Variants in TMPRSS15 observed in about 807,000 individuals in gnomAD.
TMPRSS15 encodes transmembrane serine protease 15.
Under a neutral mutation model 125.3 loss-of-function variants are expected in TMPRSS15, and 128 were observed. The ratio of observed to expected loss-of-function variants is 1.02; its 90% CI spans 0.89 to 1.18. The LOEUF is 1.18. Ranked by LOEUF, TMPRSS15 falls within the 50% of genes most tolerant of loss-of-function variation. The pLI is 0.00. For synonymous variants in TMPRSS15, 446 were observed against 423.2 expected, an observed-to-expected ratio of 1.05 and a Z score of -0.66; for missense variants, 1,283 against 1,212.7, an observed-to-expected ratio of 1.06 and a Z score of -0.86.
At chr21:18,438,898 A>C (rs2076235180) in intron 1 of TMPRSS15, among the ~76,000 whole-genome samples, 1 of 152,248 alleles carries the variant, frequency 6.6e-6, no homozygotes, top group African/African-American at 2.4e-5. Flanking sequence ...CTTTAATGCT[A>C]AACGTTGTAG....
intron 16 of TMPRSS15, among the ~76,000 whole-genome samples, chr21:18,324,913 T>A (rs2075273960): frequency 6.6e-6 from 1 of 152,102 alleles, no homozygotes; most frequent in Non-Finnish European, 1.5e-5. Flanking sequence ...AAATAGCAGA[T>A]AAAATAATTG....
chr21:18,387,072 T>C (rs2075950544), intron 3 of TMPRSS15, among the ~76,000 whole-genome samples: 1 of 152,186 alleles, frequency 6.6e-6, no homozygotes, highest in African/African-American at 2.4e-5. Context: ...AGTTGTAGCC[T>C]TTAAAATTTA....
chr21:18,328,754 A>C (rs931965141), intron 15 of TMPRSS15, among the ~76,000 whole-genome samples: 2 of 152,136 alleles, frequency 1.3e-5, no homozygotes, highest in Non-Finnish European at 2.9e-5. Context: ...CTGCATATTT[A>C]AAAATAACTA....
chr21:18,450,103 A>G (rs1482394996), intron 1 of TMPRSS15, among the ~76,000 whole-genome samples: 1 of 152,192 alleles, frequency 6.6e-6, no homozygotes, highest in Non-Finnish European at 1.5e-5. Flanking sequence ...CCAGGGAAGT[A>G]AATGGCCGCA....
chr21:18,438,902 G>A (rs956212534), intron 1 of TMPRSS15, among the ~76,000 whole-genome samples: 2 of 152,072 alleles, frequency 1.3e-5, no homozygotes, highest in East Asian at 1.9e-4. Flanking sequence ...AATGCTAAAC[G>A]TTGTAGAACA....
chr21:18,441,281 C>CAAACAAAACAAAACAAAACA lies in TMPRSS15; in HGVS notation c.11-42972_11-42953dup, dbSNP rs371605283. On this transcript the variant is annotated intron_variant, in intron 1 of 7. Coordinates refer to the TMPRSS15 transcript ENST00000422787. ...AGGCAACAAGAGTGAAACTCCGTCT[C>CAAACAAAACAAAACAAAACA]AAACAAAACAAAACAAAACAAAACA... Among the ~76,000 whole-genome samples, 1,066 of 149,268 alleles carry CAAACAAAACAAAACAAAACA rather than the reference C, an allele frequency of 7.1e-3. 13 individuals are homozygous for CAAACAAAACAAAACAAAACA. The highest frequency in any genetic ancestry group is 0.021 in the African/African-American group (859 of 40,154).
At chr21:18,390,061 C>T (rs1312993506) in intron 3 of TMPRSS15, among the ~76,000 whole-genome samples, 2 of 152,190 alleles carry the variant, frequency 1.3e-5, no homozygotes, top group African/African-American at 4.8e-5. Context: ...ATTATATCCT[C>T]AACATGCTAC....
rs372168921 is a variant in TMPRSS15 at position 18,384,612 on chromosome 21, A to G, written c.345-834T>C. Among the ~76,000 whole-genome samples, 24 of 152,124 alleles carry G rather than the reference A, an allele frequency of 1.6e-4. No homozygotes were observed. The East Asian group carries it at 3.9e-3, about 25-fold the overall frequency. ...TTTTTGCCCTCCTGCTTACATTTCTATTTGCCATATGCTATCATTTTAGGG... is the reference window on the plus strand; with the variant it reads ...TTTTTGCCCTCCTGCTTACATTTCTGTTTGCCATATGCTATCATTTTAGGG... On this transcript the variant is annotated intron_variant, in intron 3 of 24. Transcript: ENST00000284885.
At chr21:18,323,812 T>G (rs977256676) in intron 16 of TMPRSS15, among the ~76,000 whole-genome samples, 1 of 152,182 alleles carries the variant, frequency 6.6e-6, no homozygotes, top group African/African-American at 2.4e-5. Flanking sequence ...CTCTATTTTA[T>G]GATATTTTGC....
At chr21:18,303,339 A>G (rs2074993706) in intron 18 of TMPRSS15, among the ~76,000 whole-genome samples, 1 of 152,148 alleles carries the variant, frequency 6.6e-6, no homozygotes, top group Admixed American at 6.5e-5. Flanking sequence ...GAATAGAAGC[A>G]TATGAGGAAA....
At chr21:18,419,220 C>CTTTTTTT (rs540004490) in intron 1 of TMPRSS15, among the ~76,000 whole-genome samples, 3 of 108,616 alleles carry the variant, frequency 2.8e-5, no homozygotes, top group Non-Finnish European at 1.8e-5. Flanking sequence ...GACATTTCCT[C>CTTTTTTT]TTTTTTTTTT....
chr21:18,442,232 C>G (rs960743062), intron 1 of TMPRSS15, among the ~76,000 whole-genome samples: 12 of 152,114 alleles, frequency 7.9e-5, no homozygotes, highest in Middle Eastern at 3.2e-3. Context: ...TTCATCTGCT[C>G]TCTCCATCAG....
chr21:18,458,036 G>T (rs1978475763), intron 1 of TMPRSS15, among the ~76,000 whole-genome samples: 1 of 152,124 alleles, frequency 6.6e-6, no homozygotes, highest in Admixed American at 6.6e-5. Flanking sequence ...AGCCCAGGAG[G>T]TTAGTGTAAG....
intron 22 of TMPRSS15, among the ~76,000 whole-genome samples, chr21:18,280,655 C>A: frequency 6.6e-6 from 1 of 151,642 alleles, no homozygotes; most frequent in Non-Finnish European, 1.5e-5. Flanking sequence ...TGCTCACTTT[C>A]CCCACAGAAC....
chr21:18,396,010 G>C (rs956501137), intron 3 of TMPRSS15, among the ~76,000 whole-genome samples: 2 of 152,140 alleles, frequency 1.3e-5, no homozygotes, highest in African/African-American at 4.8e-5. Context: ...TGCAGCAGCT[G>C]CTTAAAAACT....
chr21:18,385,964 C>T (rs1418857908), intron 3 of TMPRSS15, among the ~76,000 whole-genome samples: 10 of 152,006 alleles, frequency 6.6e-5, no homozygotes, highest in Admixed American at 5.9e-4. Context: ...AGGATGGTCT[C>T]GATCTCCTGA....
intron 24 of TMPRSS15, 148 bp from the exon 25 acceptor site, chr21:18,270,272 A>G: frequency 1.6e-6 from 1 of 627,868 alleles, no homozygotes; most frequent in Non-Finnish European, 2.5e-6. Context: ...TCTCACTTTC[A>G]CTCTAAGTCA....
At chr21:18,476,905 C>CTT (rs199599102) in intron 1 of TMPRSS15, among the ~76,000 whole-genome samples, 25 of 144,150 alleles carry the variant, frequency 1.7e-4, no homozygotes, top group African/African-American at 4.7e-4. Flanking sequence ...TTCTCTCTCT[C>CTT]TTTTTTTTTT....
chr21:18,456,788 T>C (rs1350621729), intron 1 of TMPRSS15, among the ~76,000 whole-genome samples: 1 of 152,132 alleles, frequency 6.6e-6, no homozygotes, highest in East Asian at 1.9e-4. Context: ...TTGATACATA[T>C]GTTCAAACTC....
Sources: gnomAD v4.1 joint callset for allele counts (sites outside exome capture counted in the v4.1 genomes callset) on GRCh38, gnomAD v4.1.1 for gene constraint, MANE v1.5 for transcripts, NCBI Gene and HGNC (gene_info 2026-07-23, HGNC 2026-07-21) for gene names.